Variants in KIF11 observed in about 807,000 individuals in gnomAD.
KIF11 encodes kinesin family member 11.
In KIF11, 9 loss-of-function variants were observed where a neutral mutation model predicts 121.0. The ratio of observed to expected loss-of-function variants is 0.07; its 90% confidence interval spans 0.04 to 0.13. The LOEUF is 0.13. Among genes scored for constraint, KIF11 ranks in the 10% least tolerant of loss-of-function variants. The pLI, the probability that KIF11 is intolerant of heterozygous loss-of-function variation, is 1.00. For synonymous variants in KIF11, 408 were observed against 421.0 expected, an observed-to-expected ratio of 0.97 and a Z score of 0.38; for missense variants, 846 against 1,217.5, an observed-to-expected ratio of 0.69 and a Z score of 4.54.
At chr10:92,651,212 G>C (rs1403617063) in intron 21 of KIF11, among the ~76,000 whole-genome samples, 1 of 148,188 alleles carries the variant, frequency 6.7e-6, no homozygotes, top group Non-Finnish European at 1.5e-5. Context: ...ATTTTTAGTA[G>C]AGACAGGGTT....
At chr10:92,616,417 C>T (rs1470160556) in intron 8 of KIF11, among the ~76,000 whole-genome samples, 1 of 151,888 alleles carries the variant, frequency 6.6e-6, no homozygotes, top group Non-Finnish European at 1.5e-5. Flanking sequence ...CAAGGCTGGT[C>T]TCGAATTCCT....
rs1162523468 is a variant in KIF11 at position 92,631,289 on chromosome 10, G to T, written c.1494+925G>T. The stretch of plus-strand genomic sequence containing the variant: ...AGCCTGGGTAACAGAGCAAGACTCT[G>T]TTTCAGAAAAAAAAAAAAAAAGAAT... On this transcript the variant is annotated intron_variant, in intron 12 of 21. Coordinates refer to ENST00000260731, the MANE Select transcript of KIF11 (RefSeq NM_004523.4). 2.7e-4 allele frequency among the ~76,000 whole-genome samples: 33 copies of T among 123,930 alleles called. 1 individual carries two copies. Among genetic ancestry groups the T allele is most frequent in the Non-Finnish European group, 4.0e-4 (25 of 62,180 alleles). 81.3% of individuals were successfully genotyped at this position (123,930 alleles called of 152,430 possible).
At chr10:92,625,578 A>G (rs1296198133) in intron 10 of KIF11, among the ~76,000 whole-genome samples, 1 of 151,830 alleles carries the variant, frequency 6.6e-6, no homozygotes, top group Non-Finnish European at 1.5e-5. Context: ...TGAATTCCTG[A>G]CCTCAAGTGA....
intron 17 of KIF11, among the ~76,000 whole-genome samples, chr10:92,642,622 ACT>A (rs796777596): frequency 1.4e-4 from 22 of 151,934 alleles, no homozygotes; most frequent in African/African-American, 5.1e-4. Context: ...TGTATCTGAA[ACT>A]CTGTTGTTGG....
intron 19 of KIF11, among the ~76,000 whole-genome samples, chr10:92,649,379 C>T (rs1258964731): frequency 2.0e-5 from 3 of 152,036 alleles, no homozygotes; most frequent in East Asian, 1.9e-4. Context: ...GCAGGAGGAT[C>T]GTTTGAGCCC....
intron 17 of KIF11, among the ~76,000 whole-genome samples, chr10:92,643,490 A>G (rs868354916): frequency 3.3e-5 from 5 of 151,786 alleles, no homozygotes; most frequent in African/African-American, 1.2e-4. Flanking sequence ...TATATGTGCA[A>G]TAAACACCTA....
intron 6 of KIF11, among the ~76,000 whole-genome samples, chr10:92,610,159 C>T (rs1844480353): frequency 6.6e-6 from 1 of 152,124 alleles, no homozygotes; most frequent in Admixed American, 6.6e-5. Flanking sequence ...CCTCCTTAGC[C>T]TTATGAAGGG....
intron 16 of KIF11, 81 bp downstream of exon 16, chr10:92,637,626 A>G: frequency 7.4e-7 from 1 of 1,359,206 alleles, no homozygotes; most frequent in Non-Finnish European, 1.0e-6. Flanking sequence ...AATCTATGTT[A>G]CACAATCTGA....
chr10:92,641,389 G>A (rs1320713370), intron 17 of KIF11, among the ~76,000 whole-genome samples: 1 of 152,106 alleles, frequency 6.6e-6, no homozygotes, highest in African/African-American at 2.4e-5. Flanking sequence ...GTTTTTCTTT[G>A]TCTAAGAATG....
chr10:92,609,303 A>AGAGTGT (rs1372794402), intron 5 of KIF11, 82 bp from the exon 6 acceptor site: 59 of 382,542 alleles, frequency 1.5e-4, no homozygotes, highest in East Asian at 3.8e-4. Context: ...AGAGAGAGAG[A>AGAGTGT]GTGTGTGTGT....
At chr10:92,602,274 A>G (rs1344015930) in intron 1 of KIF11, among the ~76,000 whole-genome samples, 6 of 152,168 alleles carry the variant, frequency 3.9e-5, no homozygotes. Flanking sequence ...GCCTCACAAA[A>G]TGAGTTGGGA....
chr10:92,602,825 C>CACACACGT (rs1457102223), intron 1 of KIF11, among the ~76,000 whole-genome samples: 3 of 122,382 alleles, frequency 2.5e-5, no homozygotes, highest in Non-Finnish European at 5.0e-5. Context: ...CACACACACA[C>CACACACGT]GTGTGTGTGT....
rs1390138176 is a variant in KIF11 at position 92,645,604 on chromosome 10, T to C, written c.2509T>C (p.Leu837=). 3.1e-6 allele frequency: 5 copies of C among 1,608,180 alleles called. No individual in the cohort carries two copies. The African/African-American group carries it at 6.7e-5, about 22-fold the overall frequency. The part of the protein sequence containing the change: ...VYFSEQWVSS[L]NEREQELHNL... ...TTTTTCTGAACAGTGGGTATCTTCC[T>C]TAAATGAAAGGGAACAGGAACTTCA... The change falls in exon 18 of 22, where the codon TTA becomes CTA. Residue 837 remains leucine (L), a synonymous_variant. Transcript: ENST00000260731.
At chr10:92,653,641 AAT>A in intron 21 of KIF11, 22 bp from the exon 22 acceptor site, 1 of 1,602,176 alleles carries the variant, frequency 6.2e-7, no homozygotes, top group Non-Finnish European at 8.5e-7. Flanking sequence ...GTATTGACTT[AAT>A]TTTCCCGCCT....
At chr10:92,604,637 G>A (rs1311700872) in intron 1 of KIF11, among the ~76,000 whole-genome samples, 1 of 152,190 alleles carries the variant, frequency 6.6e-6, no homozygotes, top group Non-Finnish European at 1.5e-5. Flanking sequence ...AGAGTGGGCT[G>A]TGCCAGGGGA....
Position 92,611,541 on chromosome 10 carries a change from A to G in KIF11, c.699-1499A>G, listed in dbSNP as rs75859480. 5.1e-3 allele frequency among the ~76,000 whole-genome samples: 778 copies of G among 152,172 alleles called. 10 individuals carry two copies. The highest frequency in any genetic ancestry group is 0.031 in the Middle Eastern group (9 of 294). Reference sequence around the variant, plus strand: ...ATTATAATTCAGATCTATAGTTTACATTTATGTTTTTCCTTAGGTCTTCCT... The same window carrying G: ...ATTATAATTCAGATCTATAGTTTACGTTTATGTTTTTCCTTAGGTCTTCCT... On this transcript the variant is annotated intron_variant, in intron 6 of 21. Transcript: ENST00000260731.
At chr10:92,642,698 A>G (rs1040109720) in intron 17 of KIF11, among the ~76,000 whole-genome samples, 4 of 152,096 alleles carry the variant, frequency 2.6e-5, no homozygotes, top group African/African-American at 9.7e-5. Flanking sequence ...ATTATGTAAT[A>G]TCCACTTTTA....
chr10:92,609,974 T>G (rs1272124189), intron 6 of KIF11, among the ~76,000 whole-genome samples: 2 of 152,148 alleles, frequency 1.3e-5, no homozygotes, highest in Non-Finnish European at 2.9e-5. Context: ...TGACCTCAGG[T>G]GAACCACCTG....
intron 17 of KIF11, among the ~76,000 whole-genome samples, chr10:92,640,677 G>A (rs1427459498): frequency 1.3e-5 from 2 of 152,038 alleles, no homozygotes; most frequent in Admixed American, 6.6e-5. Context: ...TGATCCGCCC[G>A]CCTCGGCCTC....
Sources: allele counts gnomAD v4.1 joint callset (sites outside exome capture counted in the v4.1 genomes callset), GRCh38; gene constraint gnomAD v4.1.1; transcripts MANE v1.5; gene names NCBI Gene and HGNC (gene_info 2026-07-23, HGNC 2026-07-21).